Variants in INSYN2B observed in about 807,000 individuals in gnomAD.
INSYN2B encodes inhibitory synaptic factor family member 2B.
INSYN2B carries 16 observed loss-of-function variants against 41.2 expected under a neutral mutation model. The ratio of observed to expected loss-of-function variants is 0.39; its 90% confidence interval spans 0.26 to 0.59. INSYN2B has a LOEUF of 0.59. INSYN2B is among the 20% of genes least tolerant of loss of function. The pLI is 0.57. For synonymous variants in INSYN2B, 245 were observed against 244.4 expected, an observed-to-expected ratio of 1.00 and a Z score of -0.02; for missense variants, 608 against 646.4, an observed-to-expected ratio of 0.94 and a Z score of 0.64.
intron 1 of INSYN2B, among the ~76,000 whole-genome samples, chr5:169,913,789 A>G (rs1210069276): frequency 6.6e-6 from 1 of 152,198 alleles, no homozygotes; most frequent in African/African-American, 2.4e-5. Context: ...TTGATCAATG[A>G]GGAATTAGAT....
intron 1 of INSYN2B, among the ~76,000 whole-genome samples, chr5:169,954,836 C>A (rs1776798851): frequency 1.3e-5 from 2 of 152,236 alleles, no homozygotes; most frequent in Admixed American, 1.3e-4. Context: ...TCCACCCAGG[C>A]TGCAAGTGTG....
chr5:169,947,546 G>A (rs1776496587), intron 1 of INSYN2B, among the ~76,000 whole-genome samples: 2 of 152,220 alleles, frequency 1.3e-5, no homozygotes, highest in Admixed American at 1.3e-4. Flanking sequence ...TGAGGGTTCA[G>A]GGCATCTGCC....
chr5:169,881,278 T>C (rs768186282), intron 3 of INSYN2B, 90 bp downstream of exon 3: 46 of 1,100,972 alleles, frequency 4.2e-5, no homozygotes, highest in Non-Finnish European at 5.1e-5. Flanking sequence ...TTGCCTCTCT[T>C]GACTTTTTGC....
chr5:169,954,342 T>C (rs1776781717), intron 1 of INSYN2B, among the ~76,000 whole-genome samples: 1 of 152,268 alleles, frequency 6.6e-6, no homozygotes, highest in Admixed American at 6.5e-5. Context: ...TAACAATTAA[T>C]GATGTTTATA....
chr5:169,919,754 G>A (rs149492617), intron 1 of INSYN2B, among the ~76,000 whole-genome samples: 158 of 152,204 alleles, frequency 1.0e-3, no homozygotes, highest in African/African-American at 3.7e-3. Flanking sequence ...CTGCTAATGT[G>A]GGGGCAACTG....
intron 1 of INSYN2B, among the ~76,000 whole-genome samples, chr5:169,942,266 TTC>T (rs2113707585): frequency 6.6e-6 from 1 of 152,312 alleles, no homozygotes; most frequent in East Asian, 1.9e-4. Context: ...CCTTGGTCTA[TTC>T]TCTCTCTGCA....
At chr5:169,911,976 C>T (rs937603928) in intron 1 of INSYN2B, among the ~76,000 whole-genome samples, 1 of 152,142 alleles carries the variant, frequency 6.6e-6, no homozygotes, top group African/African-American at 2.4e-5. Context: ...AAATTGTTCT[C>T]TCTAGAATGA....
intron 1 of INSYN2B, among the ~76,000 whole-genome samples, chr5:169,887,820 T>C (rs1773058124): frequency 6.6e-6 from 1 of 152,238 alleles, no homozygotes; most frequent in Non-Finnish European, 1.5e-5. Context: ...CATCCTTCTA[T>C]GAAGTTCTAC....
At chr5:169,876,174 G>C (rs570125686) in intron 3 of INSYN2B, among the ~76,000 whole-genome samples, 3 of 152,026 alleles carry the variant, frequency 2.0e-5, no homozygotes, top group Non-Finnish European at 4.4e-5. Flanking sequence ...CTTTCTCTGC[G>C]GCCCTTGTGA....
rs180738650 is a variant in INSYN2B at position 169,962,487 on chromosome 5, A to G, written c.-919+17790T>C. ...AAAGGTGTGAAGATGAAGAATTCCA[A>G]CTGAGCATCTTGAGTTTGAGATGCC... is the stretch of plus-strand genomic sequence containing the variant. On this transcript the variant is annotated intron_variant, in intron 1 of 3. Transcript: ENST00000377365. Among the ~76,000 whole-genome samples the G allele has an allele frequency of 3.3e-5, 5 of 152,284 alleles. No individual in the cohort carries two copies. The East Asian group carries it at 9.7e-4, about 29-fold the overall frequency.
chr5:169,914,124 AT>A (rs1774751054), intron 1 of INSYN2B, among the ~76,000 whole-genome samples: 1 of 152,182 alleles, frequency 6.6e-6, no homozygotes, highest in Admixed American at 6.5e-5. Flanking sequence ...TTGTATAGAT[AT>A]TATACATCCT....
At chr5:169,925,340 G>A (rs1488745426) in intron 1 of INSYN2B, among the ~76,000 whole-genome samples, 1 of 152,146 alleles carries the variant, frequency 6.6e-6, no homozygotes, top group East Asian at 1.9e-4. Context: ...TCGTCTTGTT[G>A]AGAGGCTGAG....
chr5:169,923,458 C>T (rs1775280344), intron 1 of INSYN2B, among the ~76,000 whole-genome samples: 1 of 150,686 alleles, frequency 6.6e-6, no homozygotes. Context: ...GTTAGCAGCA[C>T]ATGCGTGCGT....
At chr5:169,942,402 G>A (rs77347885) in intron 1 of INSYN2B, among the ~76,000 whole-genome samples, 5,249 of 152,268 alleles carry the variant, frequency 0.034, 217 homozygotes, top group African/African-American at 0.096. Context: ...AGTTTGTGGA[G>A]CTGACACAAT....
intron 1 of INSYN2B, among the ~76,000 whole-genome samples, chr5:169,929,316 C>G (rs1775628297): frequency 6.6e-6 from 1 of 152,188 alleles, no homozygotes; most frequent in Admixed American, 6.5e-5. Flanking sequence ...ACAAGTTCAT[C>G]TCACATGGGT....
At position 169,903,694 on chromosome 5, in the gene INSYN2B, C is replaced by T. The variant is rs78355917; in HGVS notation, c.-918-18878G>A. 8.9e-3 allele frequency among the ~76,000 whole-genome samples: 1,349 copies of T among 151,930 alleles called. 19 individuals carry two copies. The highest frequency in any genetic ancestry group is 0.03 in the African/African-American group (1,249 of 41,416). On this transcript the variant is annotated intron_variant, in intron 1 of 3. Transcript: ENST00000377365. ...GACTTCCTAGAGGGTCGAACTTACT[C>T]GGGGCAGGGGGAGAAAAGAAGTAAG... is the stretch of plus-strand genomic sequence containing the variant.
chr5:169,963,006 T>C (rs1777154144), intron 1 of INSYN2B, among the ~76,000 whole-genome samples: 1 of 152,134 alleles, frequency 6.6e-6, no homozygotes. Flanking sequence ...GGTGGAAGAA[T>C]TGACATTTTG....
At chr5:169,973,748 A>C (rs2161368) in intron 1 of INSYN2B, among the ~76,000 whole-genome samples, 38,460 of 152,128 alleles carry the variant, frequency 0.25, 5,245 homozygotes, top group Non-Finnish European at 0.31. Context: ...GGGTGTCCTC[A>C]GCCATAGAGA....
At chr5:169,886,380 T>A (rs1000551425) in intron 1 of INSYN2B, among the ~76,000 whole-genome samples, 1 of 152,234 alleles carries the variant, frequency 6.6e-6, no homozygotes, top group Non-Finnish European at 1.5e-5. Flanking sequence ...ATTGGTTCTA[T>A]GTTTCAATGA....
Sources: allele counts gnomAD v4.1 joint callset (sites outside exome capture counted in the v4.1 genomes callset), GRCh38; gene constraint gnomAD v4.1.1; transcripts MANE v1.5; gene names NCBI Gene and HGNC (gene_info 2026-07-23, HGNC 2026-07-21).